Variants in RUBCN observed in about 807,000 individuals in gnomAD.
RUBCN encodes rubicon autophagy regulator, also known as run domain Beclin-1-interacting and cysteine-rich domain-containing protein.
Under a neutral mutation model 113.2 loss-of-function variants are expected in RUBCN, and 74 were observed. The ratio of observed to expected loss-of-function variants is 0.65; its 90% confidence interval spans 0.54 to 0.79. The LOEUF (loss-of-function observed/expected upper bound fraction) is 0.79. Ranked by LOEUF, RUBCN falls within the 30% of genes least tolerant of loss-of-function variation. The pLI is 0.00. For synonymous variants in RUBCN, 480 were observed against 490.0 expected, an observed-to-expected ratio of 0.98 and a Z score of 0.27; for missense variants, 1,109 against 1,251.7, an observed-to-expected ratio of 0.89 and a Z score of 1.72.
At chr3:197,701,284 C>G (rs1201602875) in intron 6 of RUBCN, 138 bp from the exon 7 acceptor site, 1 of 753,422 alleles carries the variant, frequency 1.3e-6, no homozygotes. Flanking sequence ...TATTTAGAAG[C>G]AGCTAAGTCA....
chr3:197,749,611 G>T (rs1188454793), exon 1 of RUBCN: 4 of 1,094,512 alleles, frequency 3.7e-6, no homozygotes, highest in Non-Finnish European at 5.0e-6. Flanking sequence ...GGACTCGAAG[G>T]ACACGGAGGA....
At chr3:197,711,865 G>GT (rs959478487) in intron 2 of RUBCN, among the ~76,000 whole-genome samples, 2 of 151,670 alleles carry the variant, frequency 1.3e-5, no homozygotes, top group Non-Finnish European at 2.9e-5. Flanking sequence ...CAACCTTAAT[G>GT]TTTTTTTTAA....
chr3:197,737,806 A>G (rs527874606), upstream of RUBCN, among the ~76,000 whole-genome samples: 1 of 152,186 alleles, frequency 6.6e-6, no homozygotes, highest in Non-Finnish European at 1.5e-5. Flanking sequence ...GGTCATCCTT[A>G]TGGGGGATAA....
intron 5 of RUBCN, 149 bp downstream of exon 5, chr3:197,703,397 CAA>C (rs1165064210): frequency 0.044 from 6,742 of 151,784 alleles, no homozygotes; most frequent in South Asian, 0.068. Context: ...GACTCTGTCT[CAA>C]AAAAAAAAAA....
intron 1 of RUBCN, among the ~76,000 whole-genome samples, chr3:197,745,929 G>C (rs1728725434): frequency 6.6e-6 from 1 of 152,008 alleles, no homozygotes; most frequent in African/African-American, 2.4e-5. Context: ...CTCAGCTATA[G>C]GGGAGGTTGA....
chr3:197,729,145 CAA>C (rs572262416), intron 1 of RUBCN, among the ~76,000 whole-genome samples: 24 of 75,366 alleles, frequency 3.2e-4, no homozygotes, highest in Admixed American at 3.0e-4. Flanking sequence ...GACTCCGTCT[CAA>C]AAAAAAAAAA....
intron 18 of RUBCN, chr3:197,676,656 C>A: frequency 7.1e-7 from 1 of 1,409,520 alleles, no homozygotes; most frequent in Non-Finnish European, 9.2e-7. Context: ...CCCGGAGCTA[C>A]CCAGGACCAC....
chr3:197,691,118 A>G (rs189490949), intron 11 of RUBCN: 1 of 1,289,494 alleles, frequency 7.8e-7, no homozygotes, highest in Non-Finnish European at 1.0e-6. Flanking sequence ...GTTCTTTGAT[A>G]TGTGAGTCAG....
chr3:197,702,792 A>G (rs2108909424), intron 5 of RUBCN, among the ~76,000 whole-genome samples: 1 of 152,282 alleles, frequency 6.6e-6, no homozygotes, highest in Non-Finnish European at 1.5e-5. Flanking sequence ...TAGTGATGGG[A>G]TAAGTTAATT....
chr3:197,715,446 A>T (rs1369431551), intron 2 of RUBCN, among the ~76,000 whole-genome samples: 1 of 152,202 alleles, frequency 6.6e-6, no homozygotes, highest in Non-Finnish European at 1.5e-5. Flanking sequence ...ATATTTTATA[A>T]ATAGTTCTCG....
In RUBCN at chr3:197,684,183, G is replaced by A. The variant is rs372122733; in HGVS notation, c.1821C>T (p.Ser607=). ...ADIRRNTASS[S]KSFVSSQSFS... ...AGGACTGGGAGGAAACGAAGGATTTGCTGCTTGAGGCTGTGTTCCTTCTGA... is the reference window on the plus strand; with the variant it reads ...AGGACTGGGAGGAAACGAAGGATTTACTGCTTGAGGCTGTGTTCCTTCTGA... Residue 607 remains serine (S), a synonymous_variant, in exon 12 of 20, where the codon AGC becomes AGT. Coordinates refer to ENST00000296343, the MANE Select transcript of RUBCN (RefSeq NM_014687.4). 6 of 1,613,364 alleles carry A rather than the reference G, an allele frequency of 3.7e-6. No individual in the cohort carries two copies. In the South Asian group the frequency reaches 4.4e-5, roughly 12 times the overall value.
In RUBCN at chr3:197,681,377, C is replaced by A; in HGVS notation, c.2192-10G>T. ...AGTCGCTTGATGTAATCTGGAAAAA[C>A]CGGAAAGCCAGAAAGCCAGATGTAA... On this transcript the variant is annotated splice_polypyrimidine_tract_variant and intron_variant, in intron 15 of 19. Transcript: ENST00000296343. The surrounding 1 kb of genome is among the most constrained non-coding windows in gnomAD (Gnocchi z 5.5). The A allele has an allele frequency of 4.4e-6, 7 of 1,603,750 alleles. No individual in the cohort carries two copies. The highest frequency in any genetic ancestry group is 6.0e-6 in the Non-Finnish European group (7 of 1,170,866).
chr3:197,719,476 CAAAAA>C (rs369029082), intron 1 of RUBCN, among the ~76,000 whole-genome samples: 1 of 54,264 alleles, frequency 1.8e-5, no homozygotes. Context: ...GAGATTGTCT[CAAAAA>C]AAAAAAAAAA....
At chr3:197,725,759 T>C (rs1041209718) in intron 1 of RUBCN, among the ~76,000 whole-genome samples, 5 of 152,128 alleles carry the variant, frequency 3.3e-5, no homozygotes, top group South Asian at 2.1e-4. Flanking sequence ...ATCAAATGCA[T>C]TGAATTTCAA....
Position 197,693,784 on chromosome 3 carries a change from T to C in RUBCN, c.1717A>G (p.Ser573Gly). 1 of 1,614,122 alleles carries C rather than the reference T, an allele frequency of 6.2e-7. No individual in the cohort carries two copies. The highest frequency in any genetic ancestry group is 8.5e-7 in the Non-Finnish European group (1 of 1,179,958). Residue 573 changes from serine (S) to glycine (G), a missense_variant, in exon 11 of 20, where the codon AGC becomes GGC. Physicochemically the swap from Ser to Gly is moderately conservative, Grantham distance 56. Around this residue, in one of 3 missense-constraint regions of RUBCN, gnomAD observed 736 missense variants for 779.6 expected, o/e 0.94. Coordinates refer to ENST00000296343, the MANE Select transcript of RUBCN (RefSeq NM_014687.4). ...GAGAGCTGTGCCGAATCACGTGAGC[T>C]GAACTGGGAGCTGCTGGAGGTGACC... ...FRVTSSSSQF[S>G]SRDSAQLSDS... is the part of the protein sequence containing the mutation.
At position 197,693,925 on chromosome 3, in the gene RUBCN, A is replaced by T. The variant is rs13315194; in HGVS notation, c.1685-109T>A. 2,448 of 769,430 alleles carry T rather than the reference A, an allele frequency of 3.2e-3. 40 individuals carry two copies. In the African/African-American group the frequency reaches 0.037, roughly 12 times the overall value. 47.7% of individuals were successfully genotyped at this position (769,430 alleles called of 1,614,324 possible). On this transcript the variant is annotated intron_variant, in intron 10 of 19. Transcript: ENST00000296343. ...ATATGACCTCAACAGAGAGAAATGG[A>T]AACTTTCCCTTTAGAAAGTTTCAAG...
At chr3:197,741,901 T>C (rs1728539062), upstream of RUBCN, among the ~76,000 whole-genome samples, 1 of 151,686 alleles carries the variant, frequency 6.6e-6, no homozygotes, top group African/African-American at 2.4e-5. Flanking sequence ...AAATGTGTGC[T>C]TTTTCTTTTT....
At chr3:197,731,450 C>A (rs1727453116) in intron 1 of RUBCN, among the ~76,000 whole-genome samples, 1 of 152,258 alleles carries the variant, frequency 6.6e-6, no homozygotes, top group African/African-American at 2.4e-5. Flanking sequence ...CACCTTTCCC[C>A]CGTTTCTATT....
At chr3:197,713,603 G>A (rs1416486381) in intron 2 of RUBCN, among the ~76,000 whole-genome samples, 1 of 152,182 alleles carries the variant, frequency 6.6e-6, no homozygotes, top group Non-Finnish European at 1.5e-5. Context: ...CAGCCAGACA[G>A]TAAGGTACAG....
Sources: allele counts gnomAD v4.1 joint callset (sites outside exome capture counted in the v4.1 genomes callset), GRCh38; gene constraint gnomAD v4.1.1; regional missense constraint gnomAD v4.1.1; non-coding constraint Gnocchi (gnomAD v3.1); transcripts MANE v1.5; gene names NCBI Gene and HGNC (gene_info 2026-07-23, HGNC 2026-07-21).